The following DENND1A variants were observed in gnomAD, a reference collection of about 807,000 sequenced individuals.
DENND1A encodes DENN domain-containing protein 1A.
A neutral mutation model predicts 113.7 loss-of-function variants in DENND1A; 51 were observed. The observed-to-expected ratio is 0.45, with a 90% CI of 0.36 to 0.57. The LOEUF is 0.57. Among genes scored for constraint, DENND1A ranks in the 20% least tolerant of loss-of-function variants. The pLI is 0.00. For missense variants in DENND1A, 1,258 were observed against 1,395.9 expected (o/e 0.90, Z 1.57); for synonymous variants, 565 against 570.8 (o/e 0.99, Z 0.14).
At chr9:123,643,508 C>A (rs1432656590) in intron 9 of DENND1A, among the ~76,000 whole-genome samples, 1 of 152,086 alleles carries the variant, frequency 6.6e-6, no homozygotes, top group Non-Finnish European at 1.5e-5. Flanking sequence ...TGATTAGGAC[C>A]AAGATACACT....
chr9:123,917,123 G>C (rs1038742518), intron 1 of DENND1A, among the ~76,000 whole-genome samples: 1 of 152,040 alleles, frequency 6.6e-6, no homozygotes, highest in Non-Finnish European at 1.5e-5. Flanking sequence ...GGCAGAAATT[G>C]CAGTGAGCCG....
intron 5 of DENND1A, among the ~76,000 whole-genome samples, chr9:123,691,277 G>A (rs1442618564): frequency 6.6e-6 from 1 of 152,100 alleles, no homozygotes; most frequent in Non-Finnish European, 1.5e-5. Flanking sequence ...AAGTCTCTTG[G>A]GGAAGAGACC....
intron 1 of DENND1A, among the ~76,000 whole-genome samples, chr9:123,911,683 T>C (rs1039075905): frequency 6.7e-6 from 1 of 149,702 alleles, no homozygotes; most frequent in African/African-American, 2.5e-5. Flanking sequence ...GAAATCAGAA[T>C]AGTGATTTTT....
intron 15 of DENND1A, among the ~76,000 whole-genome samples, chr9:123,456,272 G>A (rs1249108500): frequency 6.6e-6 from 1 of 152,006 alleles, no homozygotes. Flanking sequence ...CAGCAGCATG[G>A]GCACACACCC....
chr9:123,895,432 C>A (rs954367763), intron 1 of DENND1A, among the ~76,000 whole-genome samples: 3 of 151,766 alleles, frequency 2.0e-5, no homozygotes, highest in African/African-American at 7.3e-5. Context: ...ACCAGCCTGG[C>A]CAACATAGTG....
At chr9:123,672,027 G>C (rs924359580) in intron 6 of DENND1A, among the ~76,000 whole-genome samples, 1 of 152,168 alleles carries the variant, frequency 6.6e-6, no homozygotes. Flanking sequence ...GGAATTCTTT[G>C]TGCTAATACT....
At chr9:123,591,025 A>T (rs2059431391) in intron 11 of DENND1A, among the ~76,000 whole-genome samples, 1 of 152,090 alleles carries the variant, frequency 6.6e-6, no homozygotes, top group Non-Finnish European at 1.5e-5. Context: ...TAACTTTTTC[A>T]ATTCAAGCCC....
intron 19 of DENND1A, among the ~76,000 whole-genome samples, chr9:123,421,092 G>A (rs1034499338): frequency 1.4e-5 from 2 of 144,832 alleles, no homozygotes; most frequent in Admixed American, 7.0e-5. Flanking sequence ...TGCTGTCGAG[G>A]GTGCCTGGGT....
chr9:123,383,271 A>T (rs1262127092), intron 23 of DENND1A, among the ~76,000 whole-genome samples: 1 of 152,232 alleles, frequency 6.6e-6, no homozygotes, highest in Non-Finnish European at 1.5e-5. Context: ...TGCATTCATA[A>T]TGCAGAGCCA....
At chr9:123,666,764 T>C (rs996891989) in intron 8 of DENND1A, among the ~76,000 whole-genome samples, 1 of 152,198 alleles carries the variant, frequency 6.6e-6, no homozygotes, top group African/African-American at 2.4e-5. Flanking sequence ...TCAAATATCA[T>C]ATTAATACAT....
chr9:123,534,455 A>G (rs2055567782), intron 13 of DENND1A, among the ~76,000 whole-genome samples: 1 of 152,236 alleles, frequency 6.6e-6, no homozygotes. Flanking sequence ...CTTTCAACAT[A>G]TATTTGAATT....
At chr9:123,483,475 T>C (rs564845941) in intron 13 of DENND1A, among the ~76,000 whole-genome samples, 1 of 152,330 alleles carries the variant, frequency 6.6e-6, no homozygotes, top group Non-Finnish European at 1.5e-5. Context: ...GGCCAGCCTC[T>C]GTGTGCAGAC....
chr9:123,777,761 T>C (rs1386559779), intron 3 of DENND1A, among the ~76,000 whole-genome samples: 2 of 152,200 alleles, frequency 1.3e-5, no homozygotes, highest in African/African-American at 4.8e-5. Flanking sequence ...ATTTATCCAG[T>C]GGCAGGGAAT....
At position 123,779,525 on chromosome 9, in the gene DENND1A, G is replaced by T. The variant is rs183317416; in HGVS notation, c.133-9962C>A. On this transcript the variant is annotated intron_variant, in intron 3 of 23. Coordinates refer to ENST00000394215, the MANE Select transcript of DENND1A (RefSeq NM_001352964.2). ...TTTTGTAAAATACAAAACAAAACAGGGTCTCACTGTGTTGCCCATGCTGGA... is the reference window on the plus strand; with the variant it reads ...TTTTGTAAAATACAAAACAAAACAGTGTCTCACTGTGTTGCCCATGCTGGA... Among the ~76,000 whole-genome samples, 12 of 152,144 alleles carry T rather than the reference G, an allele frequency of 7.9e-5. No individual in the cohort carries two copies. In the East Asian group the frequency reaches 2.1e-3, roughly 27 times the overall value.
At position 123,381,887 on chromosome 9, in the gene DENND1A, G is replaced by A. The variant is rs1160714208; in HGVS notation, c.2758C>T (p.Pro920Ser). The A allele has an allele frequency of 6.9e-7, 1 of 1,456,912 alleles. No homozygotes were observed. Among genetic ancestry groups the A allele is most frequent in the South Asian group, 1.5e-5 (1 of 68,388 alleles). 90.2% of individuals were successfully genotyped at this position (1,456,912 alleles called of 1,614,324 possible). A position where few individuals can be genotyped will look rare whatever the true frequency, so the allele number is the denominator to read the frequency against. ...STPAGPFGAP[P>S]ASLGPAFASG... ...GCAAAAGCCGGCCCCAGGGAAGCTG[G>A]AGGGGCCCCGAAAGGCCCGGCTGGT... is the stretch of plus-strand genomic sequence containing the variant. Residue 920 changes from proline (P) to serine (S), a missense_variant, in exon 24 of 24, where the codon CCA becomes TCA. Around this residue, in one of 2 missense-constraint regions of DENND1A, gnomAD observed 1,159 missense variants for 1,231.7 expected, o/e 0.94. Coordinates refer to ENST00000394215, the MANE Select transcript of DENND1A (RefSeq NM_001352964.2). This position sits in a 1 kb window ranked among gnomAD's most constrained non-coding sequence, Gnocchi z 4.7.
At chr9:123,588,283 C>CA (rs10640791) in intron 11 of DENND1A, among the ~76,000 whole-genome samples, 17,277 of 67,748 alleles carry the variant, frequency 0.26, 2,023 homozygotes, top group Middle Eastern at 0.35. Flanking sequence ...AACTCTGTCT[C>CA]AAAAAAAAAA....
chr9:123,755,152 T>A (rs1475209228), intron 5 of DENND1A, among the ~76,000 whole-genome samples: 2 of 150,802 alleles, frequency 1.3e-5, no homozygotes, highest in African/African-American at 4.9e-5. Flanking sequence ...AGACAGAGTC[T>A]TGCTCTGTCG....
At chr9:123,516,455 A>G (rs2053919500) in intron 13 of DENND1A, among the ~76,000 whole-genome samples, 1 of 152,178 alleles carries the variant, frequency 6.6e-6, no homozygotes, top group Admixed American at 6.5e-5. Context: ...AAACATGAAT[A>G]ACAGTTCAAT....
At chr9:123,848,167 C>A (rs10818882) in intron 2 of DENND1A, among the ~76,000 whole-genome samples, 1 of 133,644 alleles carries the variant, frequency 7.5e-6, no homozygotes, top group African/African-American at 2.8e-5. Flanking sequence ...GCAAAAATTT[C>A]TCAGAAACTG....
Sources: gnomAD v4.1 joint callset for allele counts (sites outside exome capture counted in the v4.1 genomes callset) on GRCh38, gnomAD v4.1.1 for gene constraint, gnomAD v4.1.1 regional missense constraint, Gnocchi (gnomAD v3.1) non-coding constraint, MANE v1.5 for transcripts, NCBI Gene and HGNC (gene_info 2026-07-23, HGNC 2026-07-21) for gene names.